UNC13C: variants seen among roughly 807,000 people sequenced by gnomAD.
UNC13C encodes the protein protein unc-13 homolog C.
Under a neutral mutation model 245.4 loss-of-function variants are expected in UNC13C, and 174 were observed. The ratio of observed to expected loss-of-function variants is 0.71; its 90% CI spans 0.63 to 0.80. The LOEUF (loss-of-function observed/expected upper bound fraction) is 0.80, where lower values mean the gene tolerates loss of function less well. Among genes scored for constraint, UNC13C ranks in the 30% least tolerant of loss-of-function variants. The pLI, the probability that UNC13C is intolerant of heterozygous loss-of-function variation, is 0.00. For synonymous variants in UNC13C, 992 were observed against 895.1 expected (o/e 1.11, Z -1.93); for missense variants, 2,829 against 2,602.9 (o/e 1.09, Z -1.89).
intron 24 of UNC13C, among the ~76,000 whole-genome samples, chr15:54,522,078 G>A (rs1895242304): frequency 6.6e-6 from 1 of 152,152 alleles, no homozygotes; most frequent in African/African-American, 2.4e-5. Flanking sequence ...CTACACTTGA[G>A]CGAAAATTTG....
At chr15:53,879,926 A>G in the UNC13C span, among the ~76,000 whole-genome samples, 1 of 151,758 alleles carries the variant, frequency 6.6e-6, no homozygotes, top group African/African-American at 2.4e-5. Context: ...ATAGTGGAAA[A>G]AAATTTATCA....
intron 19 of UNC13C, among the ~76,000 whole-genome samples, chr15:54,418,808 T>C (rs138351480): frequency 0.011 from 1,645 of 152,236 alleles, 16 homozygotes; most frequent in Non-Finnish European, 0.017. Context: ...CTCAGAAATT[T>C]AGGAGATTCT....
intron 4 of UNC13C, among the ~76,000 whole-genome samples, chr15:54,160,121 A>T (rs1470696435): frequency 6.6e-6 from 1 of 152,060 alleles, no homozygotes; most frequent in African/African-American, 2.4e-5. Context: ...TTGACAAAAA[A>T]GGACATAGAA....
intron 13 of UNC13C, among the ~76,000 whole-genome samples, chr15:54,306,158 A>G (rs1433922795): frequency 6.6e-6 from 1 of 152,040 alleles, no homozygotes; most frequent in Non-Finnish European, 1.5e-5. Context: ...AGGTACCTCC[A>G]GCTTACTATA....
At chr15:54,095,942 G>C (rs957497424) in intron 2 of UNC13C, among the ~76,000 whole-genome samples, 22 of 152,192 alleles carry the variant, frequency 1.4e-4, no homozygotes, top group Non-Finnish European at 2.9e-4. Context: ...CACACAGCAC[G>C]TGTCCATGTC....
chr15:54,572,306 GA>G (rs1358986607), intron 30 of UNC13C, among the ~76,000 whole-genome samples: 2 of 151,592 alleles, frequency 1.3e-5, no homozygotes, highest in African/African-American at 4.8e-5. Context: ...ACTAATTAAT[GA>G]AATACAACTT....
chr15:54,266,826 A>G (rs1402986471), intron 10 of UNC13C, among the ~76,000 whole-genome samples: 1 of 152,042 alleles, frequency 6.6e-6, no homozygotes, highest in Non-Finnish European at 1.5e-5. Flanking sequence ...GTGCAAAGGC[A>G]GTCTCTGGTT....
chr15:54,050,906 G>C (rs1048055343), intron 2 of UNC13C: 3 of 550,438 alleles, frequency 5.5e-6, no homozygotes, highest in African/African-American at 3.8e-5. Context: ...AATTTAAAAT[G>C]CCACTTGATT....
chr15:54,075,028 GGA>G (rs547335218), intron 2 of UNC13C, among the ~76,000 whole-genome samples: 83 of 152,162 alleles, frequency 5.5e-4, no homozygotes, highest in African/African-American at 2.0e-3. Context: ...TCGTGTAGTT[GGA>G]GTCAGTCAGA....
At chr15:54,213,885 G>T (rs1215757516) in intron 4 of UNC13C, among the ~76,000 whole-genome samples, 1 of 151,958 alleles carries the variant, frequency 6.6e-6, no homozygotes, top group Non-Finnish European at 1.5e-5. Context: ...CTAATCCAAT[G>T]GCACCAGAAG....
chr15:54,552,065 G>C (rs1348761011), intron 28 of UNC13C, among the ~76,000 whole-genome samples: 2 of 150,748 alleles, frequency 1.3e-5, no homozygotes, highest in Non-Finnish European at 3.0e-5. Context: ...AGTATTGATA[G>C]ATAACTGCCT....
intron 2 of UNC13C, among the ~76,000 whole-genome samples, chr15:54,134,565 ACTGGAGTGCAG>A (rs2031631133): frequency 6.6e-6 from 1 of 151,762 alleles, no homozygotes; most frequent in African/African-American, 2.4e-5. Flanking sequence ...TGTCTCCCAG[ACTGGAGTGCAG>A]TGGCGCGATC....
rs1453879539 is a variant in UNC13C, at chr15:54,628,282, C to G, written c.*1169C>G. The G allele has an allele frequency of 6.6e-6, 1 of 152,048 alleles. No homozygotes were observed. Among genetic ancestry groups the G allele is most frequent in the Non-Finnish European group, 1.5e-5 (1 of 67,978 alleles). 9.4% of individuals were successfully genotyped at this position (152,048 alleles called of 1,614,324 possible). A position where few individuals can be genotyped will look rare whatever the true frequency, so the allele number is the denominator to read the frequency against. ...TGATTTGACTTTTTAGAGTCTATGC[C>G]AAAATATATGGCTGTAAAACAGTAC... On this transcript the variant is annotated 3_prime_UTR_variant, in exon 33 of 33. Coordinates refer to ENST00000260323, the MANE Select transcript of UNC13C (RefSeq NM_001080534.3).
the UNC13C span, among the ~76,000 whole-genome samples, chr15:53,967,715 A>G: frequency 6.6e-6 from 1 of 152,190 alleles, no homozygotes; most frequent in African/African-American, 2.4e-5. Flanking sequence ...GGGAAGGGGA[A>G]GTGTAAGTTA....
At chr15:53,960,334 T>TG in the UNC13C span, among the ~76,000 whole-genome samples, 1 of 139,046 alleles carries the variant, frequency 7.2e-6, no homozygotes, top group Non-Finnish European at 1.6e-5. Flanking sequence ...ATCTATATCA[T>TG]GTTTTTTTTT....
Position 54,015,362 on chromosome 15 carries a change from G to A in UNC13C, c.2459G>A (p.Ser820Asn), listed in dbSNP as rs1284885221. ...TGGAACAAAAGCACACAGAGTCTGA[G>A]TGGGTATGAGGACAGTGGCTCTTCA... ...VVWNKSTQSL[S>N]GYEDSGSSLM... Residue 820 changes from serine to asparagine, a missense_variant, in exon 2 of 33, where the codon AGT becomes AAT. Coordinates refer to ENST00000260323, the MANE Select transcript of UNC13C (RefSeq NM_001080534.3). The A allele has an allele frequency of 6.2e-6, 10 of 1,613,862 alleles. No homozygotes were observed. The highest frequency in any genetic ancestry group is 8.5e-6 in the Non-Finnish European group (10 of 1,179,840).
the UNC13C span, among the ~76,000 whole-genome samples, chr15:53,951,483 A>G: frequency 6.6e-6 from 1 of 152,178 alleles, no homozygotes; most frequent in Non-Finnish European, 1.5e-5. Context: ...TATTGTGGTG[A>G]CCCCTTTCAC....
At chr15:54,237,454 A>G in intron 6 of UNC13C, 165 bp from the exon 7 acceptor site, 1 of 705,786 alleles carries the variant, frequency 1.4e-6, no homozygotes. Context: ...AATATTGTAT[A>G]AGTCCATATT....
chr15:54,427,114 C>T lies in UNC13C; in HGVS notation c.4933+12047C>T, dbSNP rs2040774697. The stretch of plus-strand genomic sequence containing the variant: ...TACAAATACCAGAGGATAATATGAC[C>T]AAATAATTTCTTCCTTTACTATTGA... On this transcript the variant is annotated intron_variant, in intron 19 of 32. Transcript: ENST00000260323. 2.0e-5 allele frequency among the ~76,000 whole-genome samples: 3 copies of T among 151,740 alleles called. No homozygotes were observed. In the South Asian group the frequency reaches 6.2e-4, roughly 31 times the overall value.
Sources: gnomAD v4.1 joint callset for allele counts (sites outside exome capture counted in the v4.1 genomes callset) on GRCh38, gnomAD v4.1.1 for gene constraint, MANE v1.5 for transcripts, NCBI Gene and HGNC (gene_info 2026-07-23, HGNC 2026-07-21) for gene names.